Variants in C20orf203 observed in about 807,000 individuals in gnomAD.
The protein encoded by C20orf203 is chromosome 20 open reading frame 203.
In C20orf203, 16 loss-of-function variants were observed where a neutral mutation model predicts 15.9. The observed-to-expected ratio is 1.01, with a 90% confidence interval of 0.68 to 1.53. The LOEUF (loss-of-function observed/expected upper bound fraction) is 1.53. Ranked by LOEUF, C20orf203 falls within the 40% of genes most tolerant of loss-of-function variation. C20orf203 has a pLI of 0.00. For missense variants in C20orf203, 263 were observed against 247.5 expected (o/e 1.06, Z -0.42); for synonymous variants, 98 against 97.2 (o/e 1.01, Z -0.05).
At chr20:32,635,160 C>T (rs893459996) in intron 5 of C20orf203, among the ~76,000 whole-genome samples, 1 of 151,086 alleles carries the variant, frequency 6.6e-6, no homozygotes, top group Admixed American at 6.6e-5. Context: ...TGCCACTGCA[C>T]TCCAGTCTGG....
At chr20:32,665,613 C>T (rs1004365527) in intron 1 of C20orf203, among the ~76,000 whole-genome samples, 11 of 152,276 alleles carry the variant, frequency 7.2e-5, no homozygotes, top group East Asian at 3.9e-4. Flanking sequence ...TGGAAAACAA[C>T]GCAAACCACA....
At chr20:32,651,387 T>C (rs1488499533) in intron 2 of C20orf203, among the ~76,000 whole-genome samples, 1 of 150,824 alleles carries the variant, frequency 6.6e-6, no homozygotes, top group East Asian at 1.9e-4. Context: ...TTGGAGCAAA[T>C]GATCTCTGAG....
intron 1 of C20orf203, among the ~76,000 whole-genome samples, chr20:32,666,801 A>T (rs1292434828): frequency 1.1e-5 from 1 of 94,300 alleles, no homozygotes; most frequent in African/African-American, 4.6e-5. Flanking sequence ...TTTAATTTAT[A>T]TATATATATA....
rs774501872 is a variant in C20orf203, at chr20:32,632,012, G to C, written c.*3558C>G. The C allele has an allele frequency of 3.9e-5, 6 of 152,286 alleles. No individual in the cohort carries two copies. Among genetic ancestry groups the C allele is most frequent in the Non-Finnish European group, 8.8e-5 (6 of 68,086 alleles). 9.4% of individuals were successfully genotyped at this position (152,286 alleles called of 1,614,324 possible). A position where few individuals can be genotyped will look rare whatever the true frequency, so the allele number is the denominator to read the frequency against. ...CACCTCTGCCACCTCTGCTCCTTGA[G>C]GCAGGGCAGGACTTCAGAATTGGCC... On this transcript the variant is annotated 3_prime_UTR_variant, in exon 6 of 6. Transcript: ENST00000608990.
At chr20:32,648,881 A>G (rs1376891157) in intron 4 of C20orf203, among the ~76,000 whole-genome samples, 2 of 152,182 alleles carry the variant, frequency 1.3e-5, no homozygotes, top group Admixed American at 1.3e-4. Context: ...AACCATGGTA[A>G]GTGGTCAAAA....
At chr20:32,655,144 T>C (rs1206515645) in intron 1 of C20orf203, among the ~76,000 whole-genome samples, 4 of 152,158 alleles carry the variant, frequency 2.6e-5, no homozygotes, top group Admixed American at 6.6e-5. Flanking sequence ...TGAAAACAAA[T>C]GTAGGAGCTA....
intron 1 of C20orf203, among the ~76,000 whole-genome samples, chr20:32,661,279 C>A (rs1159792940): frequency 6.6e-6 from 1 of 152,192 alleles, no homozygotes; most frequent in African/African-American, 2.4e-5. Context: ...GTGAACCAGG[C>A]TCATCTCTGT....
At position 32,649,997 on chromosome 20, in the gene C20orf203, C is replaced by T. The variant is rs536075177; in HGVS notation, c.*435G>A. The T allele has an allele frequency of 6.0e-6, 1 of 165,822 alleles. No individual in the cohort carries two copies. Among genetic ancestry groups the T allele is most frequent in the Admixed American group, 5.7e-5 (1 of 17,522 alleles). 10.3% of individuals were successfully genotyped at this position (165,822 alleles called of 1,614,324 possible). A position where few individuals can be genotyped will look rare whatever the true frequency, so the allele number is the denominator to read the frequency against. On this transcript the variant is annotated 3_prime_UTR_variant, in exon 4 of 6. Coordinates refer to ENST00000608990, the MANE Select transcript of C20orf203 (RefSeq NM_182584.4). ...GGTCCAGCATTCTCAGAGGAGCTTT[C>T]TGGGCTCTGGAAGAGAGAGGAAGAG... is the stretch of plus-strand genomic sequence containing the variant.
At position 32,634,211 on chromosome 20, in the gene C20orf203, G is replaced by T. The variant is rs566934101; in HGVS notation, c.*1359C>A. 1 of 398,592 alleles carries T rather than the reference G, an allele frequency of 2.5e-6. No individual in the cohort carries two copies. Among genetic ancestry groups the T allele is most frequent in the Non-Finnish European group, 4.4e-6 (1 of 226,112 alleles). The allele number at this position is 398,592 out of a possible 1,614,324, so 24.7% of individuals were successfully genotyped here. A position where few individuals can be genotyped will look rare whatever the true frequency, so the allele number is the denominator to read the frequency against. On this transcript the variant is annotated 3_prime_UTR_variant, in exon 6 of 6. Transcript: ENST00000608990. ...TGCTGGGGCTTGAGTTCAGGGGTTG[G>T]GGGGAGGTTCCTAGCCTGGGGGCTC...
Position 32,631,850 on chromosome 20 carries a change from C to T in C20orf203, c.*3720G>A, listed in dbSNP as rs1982002725. 6.6e-6 allele frequency: 1 copy of T among 152,240 alleles called. No individual in the cohort carries two copies. 9.4% of individuals were successfully genotyped at this position (152,240 alleles called of 1,614,324 possible). On this transcript the variant is annotated 3_prime_UTR_variant, in exon 6 of 6. Transcript: ENST00000608990. ...TAGTCTCAAGCTACATCTGGAGACT[C>T]TTCCTAAATCCACTGTGGCTCCCTC...
intron 1 of C20orf203, among the ~76,000 whole-genome samples, chr20:32,663,094 G>C (rs1030017335): frequency 6.6e-6 from 1 of 151,588 alleles, no homozygotes; most frequent in South Asian, 2.1e-4. Context: ...GATTATAGGC[G>C]CCCACCACCA....
chr20:32,639,914 T>C (rs1008820389), intron 5 of C20orf203, among the ~76,000 whole-genome samples: 3 of 152,090 alleles, frequency 2.0e-5, no homozygotes, highest in Admixed American at 6.6e-5. Flanking sequence ...GATTCCTGAG[T>C]GTTTTCCAAG....
At chr20:32,647,395 CA>C (rs1181319264) in intron 4 of C20orf203, among the ~76,000 whole-genome samples, 279 of 93,952 alleles carry the variant, frequency 3.0e-3, no homozygotes, top group African/African-American at 5.2e-3. Context: ...AACTCCGTCT[CA>C]AAAAAAAAAA....
At position 32,633,862 on chromosome 20, in the gene C20orf203, A is replaced by C; in HGVS notation, c.*1708T>G. The C allele has an allele frequency of 2.5e-6, 1 of 393,716 alleles. No homozygotes were observed. The highest frequency in any genetic ancestry group is 4.5e-6 in the Non-Finnish European group (1 of 224,200). The allele number at this position is 393,716 out of a possible 1,614,324, so 24.4% of individuals were successfully genotyped here. A position where few individuals can be genotyped will look rare whatever the true frequency, so the allele number is the denominator to read the frequency against. Reference sequence around the variant, plus strand: ...AGGAGGTCTTGCCGTCTGCCTCCCTACTCCTGACTTGGGGCCCCTGCTCTG... The same window carrying C: ...AGGAGGTCTTGCCGTCTGCCTCCCTCCTCCTGACTTGGGGCCCCTGCTCTG... On this transcript the variant is annotated 3_prime_UTR_variant, in exon 6 of 6. Coordinates refer to ENST00000608990, the MANE Select transcript of C20orf203 (RefSeq NM_182584.4).
At chr20:32,659,084 T>C (rs2145677666) in intron 1 of C20orf203, among the ~76,000 whole-genome samples, 1 of 151,860 alleles carries the variant, frequency 6.6e-6, no homozygotes, top group Middle Eastern at 3.4e-3. Flanking sequence ...TCCATGTTGG[T>C]CAGGCTGGTC....
chr20:32,672,168 T>C (rs1455610721), intron 1 of C20orf203, among the ~76,000 whole-genome samples: 1 of 151,584 alleles, frequency 6.6e-6, no homozygotes, highest in Admixed American at 6.6e-5. Context: ...TACAAAAAAT[T>C]AGCTGGGCAT....
Position 32,651,171 on chromosome 20 carries a change from A to ACT in C20orf203, c.-14-6_-14-5insAG. On this transcript the variant is annotated splice_region_variant and splice_polypyrimidine_tract_variant and intron_variant, in intron 2 of 5. Transcript: ENST00000608990. The stretch of plus-strand genomic sequence containing the variant: ...GAAACATAGGAGACCCTCTCTCTAA[A>ACT]AAAAAAAAAAAAAAAAAAAAAATTA... 4 of 246,856 alleles carry ACT rather than the reference A, an allele frequency of 1.6e-5. No individual in the cohort carries two copies. Among genetic ancestry groups the ACT allele is most frequent in the Non-Finnish European group, 3.1e-5 (4 of 129,370 alleles). The allele number at this position is 246,856 out of a possible 1,614,324, so 15.3% of individuals were successfully genotyped here.
At chr20:32,672,663 C>T (rs1983202021) in intron 1 of C20orf203, among the ~76,000 whole-genome samples, 1 of 152,016 alleles carries the variant, frequency 6.6e-6, no homozygotes, top group African/African-American at 2.4e-5. Context: ...ATTTCTTGCT[C>T]TTGTTCCCTT....
At position 32,642,334 on chromosome 20, in the gene C20orf203, G is replaced by A. The variant is rs188552568; in HGVS notation, c.*1178-1647C>T. ...GCAGGTGGAAGAGTAAGTCCTGCTGGGGCCTGGCCCACAAGTGTCCAGTGA... is the reference window on the plus strand; with the variant it reads ...GCAGGTGGAAGAGTAAGTCCTGCTGAGGCCTGGCCCACAAGTGTCCAGTGA... On this transcript the variant is annotated intron_variant, in intron 4 of 5. Coordinates refer to ENST00000608990, the MANE Select transcript of C20orf203 (RefSeq NM_182584.4). Among the ~76,000 whole-genome samples, 12 of 152,316 alleles carry A rather than the reference G, an allele frequency of 7.9e-5. No individual in the cohort carries two copies. In the East Asian group the frequency reaches 2.3e-3, roughly 29 times the overall value.
Sources: gnomAD v4.1 joint callset for allele counts (sites outside exome capture counted in the v4.1 genomes callset) on GRCh38, gnomAD v4.1.1 for gene constraint, MANE v1.5 for transcripts, NCBI Gene and HGNC (gene_info 2026-07-23, HGNC 2026-07-21) for gene names.